Variants in ZMYND8 observed in about 807,000 individuals in gnomAD.
The protein encoded by ZMYND8 is zinc finger MYND-type containing 8.
ZMYND8 carries 37 observed loss-of-function variants against 140.8 expected under a neutral mutation model. The observed-to-expected ratio is 0.26, with a 90% CI of 0.20 to 0.35. The LOEUF (loss-of-function observed/expected upper bound fraction) is 0.35, where lower values mean the gene tolerates loss of function less well. Ranked by LOEUF, ZMYND8 falls within the 10% of genes least tolerant of loss-of-function variation. The pLI, the probability that ZMYND8 is intolerant of heterozygous loss-of-function variation, is 1.00. For missense variants in ZMYND8, 1,068 were observed against 1,570.0 expected (o/e 0.68, Z 5.40); for synonymous variants, 592 against 597.1 (o/e 0.99, Z 0.12).
chr20:47,259,475 T>A (rs2074998101), intron 12 of ZMYND8, among the ~76,000 whole-genome samples: 1 of 152,014 alleles, frequency 6.6e-6, no homozygotes. Context: ...TCCCTCAGTT[T>A]CTCCATCTGA....
intron 2 of ZMYND8, among the ~76,000 whole-genome samples, chr20:47,314,543 C>A (rs2079221959): frequency 6.6e-6 from 1 of 152,164 alleles, no homozygotes; most frequent in Non-Finnish European, 1.5e-5. Flanking sequence ...TCAGGCCCCA[C>A]CCCAGATCTA....
At chr20:47,292,266 C>T (rs6124990) in intron 5 of ZMYND8, among the ~76,000 whole-genome samples, 23,822 of 152,196 alleles carry the variant, frequency 0.16, 1,960 homozygotes, top group African/African-American at 0.21. Flanking sequence ...AATTAACGCC[C>T]TCTTCAATTT....
intron 14 of ZMYND8, among the ~76,000 whole-genome samples, chr20:47,239,623 C>CA (rs1176300264): frequency 6.6e-6 from 1 of 152,214 alleles, no homozygotes. Context: ...GATGGCCTCC[C>CA]AATGGCCAAA....
Position 47,298,774 on chromosome 20 carries a change from T to G in ZMYND8, c.408A>C (p.Arg136Ser). ...AGTCCCCCTCTGGTTCCGATGTCAG[T>G]CTCAGACACTTAGCGTGATAAACCC... ...CPRVYHAKCL[R>S]LTSEPEGDWF... The change falls in exon 4 of 23, where the codon AGA becomes AGC. Residue 136 changes from arginine to serine, a missense_variant. Arg to Ser is a moderately radical substitution (Grantham distance 110). Coordinates refer to ENST00000471951, the MANE Select transcript of ZMYND8 (RefSeq NM_001281775.3). The surrounding 1 kb of genome is among the most constrained non-coding windows in gnomAD (Gnocchi z 5.0). The G allele has an allele frequency of 1.2e-6, 2 of 1,614,086 alleles. No individual in the cohort carries two copies. Among genetic ancestry groups the G allele is most frequent in the Non-Finnish European group, 1.7e-6 (2 of 1,180,000 alleles).
intron 2 of ZMYND8, among the ~76,000 whole-genome samples, chr20:47,341,123 G>A (rs2081839950): frequency 6.6e-6 from 1 of 152,168 alleles, no homozygotes; most frequent in Non-Finnish European, 1.5e-5. Flanking sequence ...TGATCCATGT[G>A]GTAATGCGAA....
At chr20:47,229,122 C>T (rs1313367092) in intron 17 of ZMYND8, among the ~76,000 whole-genome samples, 1 of 151,102 alleles carries the variant, frequency 6.6e-6, no homozygotes, top group African/African-American at 2.4e-5. Context: ...TAGCTTCCTA[C>T]AGGAACACAC....
At chr20:47,264,333 G>A (rs189001659) in intron 11 of ZMYND8, among the ~76,000 whole-genome samples, 152 of 152,312 alleles carry the variant, frequency 1.0e-3, no homozygotes, top group Non-Finnish European at 1.5e-3. Flanking sequence ...CTGGAGTGCA[G>A]TTGTGCAATC....
At chr20:47,229,436 T>C (rs962365681) in intron 17 of ZMYND8, among the ~76,000 whole-genome samples, 5 of 152,276 alleles carry the variant, frequency 3.3e-5, no homozygotes, top group African/African-American at 9.6e-5. Context: ...CAGTTTTACA[T>C]GAAGCAAAAA....
rs1356148957 is a variant in ZMYND8 at position 47,210,817 on chromosome 20, T to C, written c.3649A>G (p.Thr1217Ala). 1.2e-6 allele frequency: 2 copies of C among 1,614,170 alleles called. No homozygotes were observed. The highest frequency in any genetic ancestry group is 1.1e-5 in the South Asian group (1 of 91,074). ...TTCGGGAGGAGGCTCTTCGTGCTGG[T>C]ACTGGTGTTGTGATCGGAACGTGTC... ...GSTRSDHNTS[T>A]STKSLLPKES... Residue 1217 changes from threonine to alanine, a missense_variant, in exon 23 of 23, where the codon ACC (threonine) becomes GCC (alanine). By Grantham distance (58) the Thr-to-Ala change is moderately conservative. This residue lies in a region of ZMYND8 where 180 missense variants were observed against 187.8 expected (regional missense o/e 0.96). Coordinates refer to ENST00000471951, the MANE Select transcript of ZMYND8 (RefSeq NM_001281775.3).
At chr20:47,301,202 T>TA (rs1440612200) in intron 3 of ZMYND8, among the ~76,000 whole-genome samples, 1 of 150,484 alleles carries the variant, frequency 6.6e-6, no homozygotes, top group Non-Finnish European at 1.5e-5. Context: ...TTGCCCAGGA[T>TA]AGAGTGCAAT....
At chr20:47,245,871 G>A (rs1207271949) in intron 14 of ZMYND8, 137 bp downstream of exon 14, 4 of 1,295,324 alleles carry the variant, frequency 3.1e-6, no homozygotes, top group African/African-American at 3.0e-5. Flanking sequence ...GCTTCACTGT[G>A]CCTCTCTCTC....
intron 2 of ZMYND8, among the ~76,000 whole-genome samples, chr20:47,332,133 A>G (rs539555357): frequency 6.6e-6 from 1 of 152,188 alleles, no homozygotes; most frequent in Non-Finnish European, 1.5e-5. Context: ...CAACATGGTG[A>G]AACCCCGTCT....
At chr20:47,253,180 C>T (rs2074324771) in intron 12 of ZMYND8, among the ~76,000 whole-genome samples, 1 of 152,194 alleles carries the variant, frequency 6.6e-6, no homozygotes, top group African/African-American at 2.4e-5. Flanking sequence ...GAGGCCTGAG[C>T]CCCATCCTCA....
At chr20:47,338,971 CTTTTT>C (rs141938915) in intron 2 of ZMYND8, among the ~76,000 whole-genome samples, 1 of 137,968 alleles carries the variant, frequency 7.2e-6, no homozygotes, top group Non-Finnish European at 1.6e-5. Context: ...ACAATTATTT[CTTTTT>C]TTTTTTTTTT....
intron 4 of ZMYND8, among the ~76,000 whole-genome samples, chr20:47,296,441 G>A (rs1399240587): frequency 6.6e-6 from 1 of 152,130 alleles, no homozygotes; most frequent in African/African-American, 2.4e-5. Context: ...GAGATGCAAG[G>A]AGAGACATCC....
At chr20:47,297,395 A>G (rs538905912) in intron 4 of ZMYND8, among the ~76,000 whole-genome samples, 6 of 152,004 alleles carry the variant, frequency 3.9e-5, no homozygotes, top group Admixed American at 3.9e-4. Flanking sequence ...GAAAGCTTCC[A>G]CATTTGAGAT....
At chr20:47,233,034 G>A (rs1404317908) in intron 16 of ZMYND8, among the ~76,000 whole-genome samples, 1 of 151,164 alleles carries the variant, frequency 6.6e-6, no homozygotes, top group Non-Finnish European at 1.5e-5. Flanking sequence ...AGCCTCCTGA[G>A]TAGCTGGGAT....
At position 47,239,114 on chromosome 20, in the gene ZMYND8, G is replaced by T; in HGVS notation, c.2309C>A (p.Thr770Lys). 6.6e-7 allele frequency: 1 copy of T among 1,504,956 alleles called. No homozygotes were observed. The highest frequency in any genetic ancestry group is 8.8e-7 in the Non-Finnish European group (1 of 1,132,522). 93.2% of individuals were successfully genotyped at this position (1,504,956 alleles called of 1,614,324 possible). A position where few individuals can be genotyped will look rare whatever the true frequency, so the allele number is the denominator to read the frequency against. Residue 770 changes from threonine to lysine, a missense_variant, in exon 15 of 23, where the codon ACG (threonine) becomes AAG (lysine). By Grantham distance (78) the Thr-to-Lys change is moderately conservative. Coordinates refer to ENST00000471951, the MANE Select transcript of ZMYND8 (RefSeq NM_001281775.3). ...QDVVGKTPPS[T>K]TVGSHSPPET... ...CGGGGGAGAATGGCTGCCCACCGTC[G>T]TGGATGGTGGAGTTTTACCTACAAC...
At chr20:47,252,187 A>G (rs2074239871) in intron 12 of ZMYND8, among the ~76,000 whole-genome samples, 1 of 149,634 alleles carries the variant, frequency 6.7e-6, no homozygotes, top group African/African-American at 2.5e-5. Context: ...CCCGGTACTC[A>G]GGAGGCTGAG....
Sources: allele counts gnomAD v4.1 joint callset (sites outside exome capture counted in the v4.1 genomes callset), GRCh38; gene constraint gnomAD v4.1.1; regional missense constraint gnomAD v4.1.1; non-coding constraint Gnocchi (gnomAD v3.1); transcripts MANE v1.5; gene names NCBI Gene and HGNC (gene_info 2026-07-23, HGNC 2026-07-21).